The following USP9Y variants were observed in gnomAD, a reference collection of about 807,000 sequenced individuals.
The protein encoded by USP9Y is ubiquitin carboxyl-terminal hydrolase 9Y.
A neutral mutation model predicts 53.1 loss-of-function variants in USP9Y; 41 were observed. The observed-to-expected ratio is 0.77, with a 90% CI of 0.60 to 1.00. The LOEUF is 1.00. USP9Y is among the 50% of genes least tolerant of loss of function. The probability of loss-of-function intolerance (pLI) is 0.00; values close to 1 mark genes in which losing one functional copy is unlikely to be tolerated. For missense variants in USP9Y, 567 were observed against 535.8 expected, an observed-to-expected ratio of 1.06 and a Z score of -0.58; for synonymous variants, 220 against 173.7, an observed-to-expected ratio of 1.27 and a Z score of -2.09.
chrY:12,853,635 C>T (rs991923635), intron 42 of USP9Y, among the ~76,000 whole-genome samples: 1 of 33,764 alleles, frequency 3.0e-5, no homozygotes, highest in African/African-American at 1.2e-4. Flanking sequence ...GTGGGAGCTG[C>T]AGACCAGAGC....
At chrY:12,791,196 T>A in intron 25 of USP9Y, among the ~76,000 whole-genome samples, 1 of 33,520 alleles carries the variant, frequency 3.0e-5, no homozygotes, top group Admixed American at 2.7e-4. Context: ...GCTAAGTAAT[T>A]TGACTGTTGT....
chrY:12,770,959 C>A, intron 15 of USP9Y, 109 bp from the exon 16 acceptor site: 1 of 180,310 alleles, frequency 5.5e-6, no homozygotes, highest in Non-Finnish European at 1.0e-5. Flanking sequence ...ACCATAATTA[C>A]AAGTTTCCGT....
chrY:12,712,253 C>A, intron 3 of USP9Y, among the ~76,000 whole-genome samples: 1 of 33,175 alleles, frequency 3.0e-5, no homozygotes, highest in East Asian at 8.1e-4. Context: ...CTGAATCTGT[C>A]CATTTCTCAT....
intron 27 of USP9Y, among the ~76,000 whole-genome samples, chrY:12,805,169 A>G (rs1013153888): frequency 5.2e-4 from 17 of 32,953 alleles, no homozygotes; most frequent in African/African-American, 2.0e-3. Context: ...ATTCTTGACA[A>G]CTGTTTCGTT....
chrY:12,825,492 T>G (rs775191077), intron 33 of USP9Y, among the ~76,000 whole-genome samples: 6 of 32,558 alleles, frequency 1.8e-4, no homozygotes, highest in African/African-American at 7.2e-4. Context: ...AGAGTTTAAT[T>G]TGTAAGTACC....
intron 1 of USP9Y, among the ~76,000 whole-genome samples, chrY:12,706,212 A>G: frequency 3.0e-5 from 1 of 33,055 alleles, no homozygotes; most frequent in African/African-American, 1.2e-4. Context: ...AAAAAAATGC[A>G]CTCCACAGAA....
chrY:12,717,102 G>A (rs1008403270), intron 3 of USP9Y, among the ~76,000 whole-genome samples: 2 of 33,082 alleles, frequency 6.0e-5, no homozygotes, highest in African/African-American at 1.2e-4. Flanking sequence ...TCCCCAGGTC[G>A]GACCAGTACC....
intron 27 of USP9Y, among the ~76,000 whole-genome samples, chrY:12,807,078 A>G: frequency 3.2e-5 from 1 of 31,665 alleles, no homozygotes; most frequent in African/African-American, 1.2e-4. Context: ...GGTCTGCTTC[A>G]TGGCGTTCTG....
intron 10 of USP9Y, among the ~76,000 whole-genome samples, chrY:12,737,263 AT>A: frequency 3.0e-5 from 1 of 33,643 alleles, no homozygotes. Flanking sequence ...TAATAATTTC[AT>A]TTTAAAATCA....
rs1412228810 is a variant in USP9Y at position 12,812,894 on chromosome Y, A to G, written c.4451A>G (p.Glu1484Gly). Residue 1484 changes from glutamate to glycine, a missense_variant, in exon 31 of 46, where the codon GAA becomes GGA. By Grantham distance (98) the Glu-to-Gly change is moderately conservative (BLOSUM62 -2). Transcript: ENST00000338981. ...KVYLQYLRSG[E>G]LPAEQAIPVC... ...TACCTGCAGTATTTAAGAAGTGGAG[A>G]ACTACCAGCTGAGCAGGCTATTCCA... is the stretch of plus-strand genomic sequence containing the variant. 5.0e-6 allele frequency: 2 copies of G among 398,505 alleles called. No individual in the cohort carries two copies. The highest frequency in any genetic ancestry group is 3.0e-5 in the South Asian group (1 of 33,794).
intron 33 of USP9Y, among the ~76,000 whole-genome samples, chrY:12,828,614 A>G: frequency 3.0e-5 from 1 of 33,128 alleles, no homozygotes; most frequent in Admixed American, 2.8e-4. Context: ...AAAAGACAGG[A>G]ATGGTGGATA....
At chrY:12,806,996 T>C in intron 27 of USP9Y, among the ~76,000 whole-genome samples, 1 of 33,084 alleles carries the variant, frequency 3.0e-5, no homozygotes, top group African/African-American at 1.2e-4. Context: ...AATTTTCAGC[T>C]ATTTATGTCT....
At chrY:12,800,371 A>G (rs968001049) in intron 27 of USP9Y, among the ~76,000 whole-genome samples, 1 of 33,844 alleles carries the variant, frequency 3.0e-5, no homozygotes, top group Non-Finnish European at 7.4e-5. Context: ...CTAAGAACAA[A>G]GACCCACCGC....
In USP9Y at chrY:12,851,879, A is replaced by G. The variant is rs953513265; in HGVS notation, c.7065-4461A>G. Reference sequence around the variant, plus strand: ...TCTGGCTTGTAGGGTTTCTGCTGAGAAAGCCATTGTTGTTAGTCTGATGGG... The same window carrying G: ...TCTGGCTTGTAGGGTTTCTGCTGAGGAAGCCATTGTTGTTAGTCTGATGGG... On this transcript the variant is annotated intron_variant, in intron 42 of 45. Transcript: ENST00000338981. Among the ~76,000 whole-genome samples, 21 of 33,660 alleles carry G rather than the reference A, an allele frequency of 6.2e-4. No homozygotes were observed. The East Asian group carries it at 0.014, about 22-fold the overall frequency. The allele number at this position is 33,660 out of a possible 37,273, so 90.3% of individuals were successfully genotyped here.
intron 7 of USP9Y, among the ~76,000 whole-genome samples, chrY:12,731,165 C>T (rs965706867): frequency 3.1e-5 from 1 of 32,757 alleles, no homozygotes; most frequent in Non-Finnish European, 7.5e-5. Context: ...TGCAATAAAG[C>T]AATTACCACA....
intron 33 of USP9Y, among the ~76,000 whole-genome samples, chrY:12,819,549 T>C (rs2148289942): frequency 6.3e-5 from 2 of 31,640 alleles, no homozygotes; most frequent in Non-Finnish European, 1.5e-4. Flanking sequence ...TTTTGGTCTC[T>C]GGAGCAGTGT....
chrY:12,779,526 A>G lies in USP9Y; in HGVS notation c.3031A>G (p.Ile1011Val). ...LEVESCLPGV[I>V]MSVHPRYISF... ...ATATTTTGTATATTCTGTATTCTAG[A>G]TAATGTCAGTGCATCCCAGATACAT... is the stretch of plus-strand genomic sequence containing the variant. Residue 1011 changes from isoleucine to valine, a missense_variant and splice_region_variant, in exon 22 of 46, where the codon ATA becomes GTA. Ile to Val is a conservative substitution (Grantham distance 29). Transcript: ENST00000338981. The G allele has an allele frequency of 2.5e-6, 1 of 397,454 alleles. No homozygotes were observed. Among genetic ancestry groups the G allele is most frequent in the Non-Finnish European group, 3.5e-6 (1 of 282,595 alleles).
intron 42 of USP9Y, among the ~76,000 whole-genome samples, chrY:12,852,124 G>T (rs987792760): frequency 9.0e-5 from 3 of 33,354 alleles, no homozygotes; most frequent in Non-Finnish European, 2.2e-4. Context: ...TTACAACTTG[G>T]TTCCATTCTC....
chrY:12,738,133 A>T (rs1166398451), intron 10 of USP9Y, 24 bp from the exon 11 acceptor site: 1 of 375,484 alleles, frequency 2.7e-6, no homozygotes. Flanking sequence ...TAGTTTCAGC[A>T]TTGAATTTTT....
Sources: gnomAD v4.1 joint callset for allele counts (sites outside exome capture counted in the v4.1 genomes callset) on GRCh38, gnomAD v4.1.1 for gene constraint, MANE v1.5 for transcripts, NCBI Gene and HGNC (gene_info 2026-07-23, HGNC 2026-07-21) for gene names.